The following CDH20 variants were observed in gnomAD, a reference collection of about 807,000 sequenced individuals.
CDH20 encodes cadherin 20.
CDH20 carries 29 observed loss-of-function variants against 74.2 expected under a neutral mutation model. The observed-to-expected ratio is 0.39, with a 90% CI of 0.29 to 0.53. The LOEUF is 0.53. CDH20 is among the 20% of genes least tolerant of loss of function. The pLI is 0.69. For missense variants in CDH20, 988 were observed against 1,048.3 expected, an observed-to-expected ratio of 0.94 and a Z score of 0.79; for synonymous variants, 469 against 405.4, an observed-to-expected ratio of 1.16 and a Z score of -1.88.
chr18:61,494,865 C>T (rs1911077378), intron 2 of CDH20, among the ~76,000 whole-genome samples: 1 of 152,188 alleles, frequency 6.6e-6, no homozygotes, highest in Admixed American at 6.5e-5. Flanking sequence ...TAACCACAAA[C>T]TGTAAGCACT....
At chr18:61,380,690 T>A (rs979014078) in intron 1 of CDH20, among the ~76,000 whole-genome samples, 1 of 152,242 alleles carries the variant, frequency 6.6e-6, no homozygotes, top group Non-Finnish European at 1.5e-5. Context: ...ATGCCTGTAA[T>A]CCCAGCTACT....
At chr18:61,460,264 C>T (rs1909722409) in intron 1 of CDH20, among the ~76,000 whole-genome samples, 1 of 152,240 alleles carries the variant, frequency 6.6e-6, no homozygotes, top group East Asian at 1.9e-4. Flanking sequence ...AAAATAAATA[C>T]AAGTGACCTT....
intron 1 of CDH20, among the ~76,000 whole-genome samples, chr18:61,338,582 A>G (rs775881999): frequency 5.9e-5 from 9 of 152,322 alleles, no homozygotes; most frequent in South Asian, 2.1e-4. Context: ...TATGTCATTG[A>G]ATAACCACTA....
chr18:61,354,145 A>T (rs971631982), intron 1 of CDH20, among the ~76,000 whole-genome samples: 2 of 152,106 alleles, frequency 1.3e-5, no homozygotes, highest in Non-Finnish European at 1.5e-5. Flanking sequence ...AGGGCTGTTA[A>T]CTCCCACACT....
At chr18:61,466,602 T>C (rs750287357) in intron 1 of CDH20, among the ~76,000 whole-genome samples, 2 of 152,138 alleles carry the variant, frequency 1.3e-5, no homozygotes, top group African/African-American at 2.4e-5. Context: ...AATCTCTCAA[T>C]GGTTTTTCCT....
intron 1 of CDH20, among the ~76,000 whole-genome samples, chr18:61,473,807 G>C (rs9959118): frequency 0.16 from 23,642 of 152,050 alleles, 1,897 homozygotes; most frequent in East Asian, 0.28. Context: ...AGTGCTACCT[G>C]GGATCAATCA....
Position 61,550,070 on chromosome 18 carries a change from C to T in CDH20, c.1741C>T (p.Gln581Ter). 1 of 1,614,252 alleles carries T rather than the reference C, an allele frequency of 6.2e-7. No homozygotes were observed. Among genetic ancestry groups the T allele is most frequent in the Non-Finnish European group, 8.5e-7 (1 of 1,180,042 alleles). The change falls in exon 11 of 12, where the codon CAG becomes TAG. Residue 581 changes from glutamine (Q) to a stop codon, truncating the protein, a stop_gained. Coordinates refer to ENST00000262717, the MANE Select transcript of CDH20 (RefSeq NM_031891.4). LOFTEE classifies it high-confidence loss of function. The part of the protein sequence containing the change: ...HLPILIADSG[Q>*]PVLSSTGTLT... ...GCCTATCCTGATAGCAGATAGCGGG[C>T]AGCCCGTGCTGAGCAGCACAGGCAC...
chr18:61,367,923 T>C (rs145445148), intron 1 of CDH20, among the ~76,000 whole-genome samples: 1,555 of 152,202 alleles, frequency 0.01, 22 homozygotes, highest in South Asian at 0.02. Flanking sequence ...TCTTGTCTTG[T>C]ACTTGTCTGT....
At chr18:61,506,378 C>T (rs567664121) in intron 5 of CDH20, among the ~76,000 whole-genome samples, 17 of 152,310 alleles carry the variant, frequency 1.1e-4, no homozygotes, top group African/African-American at 2.9e-4. Context: ...TCTTCTCCTG[C>T]GCAAGGCAGG....
At chr18:61,479,853 G>A (rs1190056440) in intron 1 of CDH20, among the ~76,000 whole-genome samples, 1 of 152,018 alleles carries the variant, frequency 6.6e-6, no homozygotes, top group African/African-American at 2.4e-5. Flanking sequence ...CTCCTTTGTT[G>A]GATCCCCTTT....
At chr18:61,447,319 A>G (rs1376930085) in intron 1 of CDH20, among the ~76,000 whole-genome samples, 8 of 152,224 alleles carry the variant, frequency 5.3e-5, no homozygotes, top group Non-Finnish European at 2.9e-5. Context: ...TGAATTCACA[A>G]TACTGGAGGC....
At chr18:61,490,985 T>C (rs1390555172) in intron 2 of CDH20, among the ~76,000 whole-genome samples, 186 bp downstream of exon 2, 1 of 152,212 alleles carries the variant, frequency 6.6e-6, no homozygotes, top group Non-Finnish European at 1.5e-5. Context: ...GAAAGATTTA[T>C]TTCCTTGTCC....
intron 1 of CDH20, among the ~76,000 whole-genome samples, chr18:61,489,751 A>T (rs1275793411): frequency 1.3e-5 from 2 of 152,150 alleles, no homozygotes; most frequent in Non-Finnish European, 2.9e-5. Context: ...AATCCTGGAA[A>T]GGTCACATTA....
intron 1 of CDH20, among the ~76,000 whole-genome samples, chr18:61,469,477 CA>C (rs1336348016): frequency 6.6e-6 from 1 of 152,128 alleles, no homozygotes; most frequent in Non-Finnish European, 1.5e-5. Context: ...GCTGCTTCAG[CA>C]GTTTCGAAAC....
chr18:61,510,475 A>G (rs1015816815), intron 6 of CDH20, among the ~76,000 whole-genome samples: 1 of 152,224 alleles, frequency 6.6e-6, no homozygotes, highest in Non-Finnish European at 1.5e-5. Flanking sequence ...CAGTTATAAC[A>G]TTAAAATGTA....
intron 6 of CDH20, among the ~76,000 whole-genome samples, chr18:61,514,246 C>T (rs1911897359): frequency 6.6e-6 from 1 of 151,768 alleles, no homozygotes; most frequent in Non-Finnish European, 1.5e-5. Flanking sequence ...TCATTTCATT[C>T]ATTTCATCTT....
rs200072367 is a variant in CDH20 at position 61,408,916 on chromosome 18, C to CA, written c.-153+75098dup. ...GTATGGATAAAAGATAATACTAATA[C>CA]AAAAAAAAATGACAGACCAGACCTT... is the stretch of plus-strand genomic sequence containing the variant. On this transcript the variant is annotated intron_variant, in intron 1 of 11. Transcript: ENST00000262717. Among the ~76,000 whole-genome samples the CA allele has an allele frequency of 1.1e-3, 166 of 151,152 alleles. 1 individual carries two copies. The highest frequency in any genetic ancestry group is 2.1e-3 in the Non-Finnish European group (142 of 67,652).
At chr18:61,511,166 T>C (rs932112533) in intron 6 of CDH20, among the ~76,000 whole-genome samples, 3 of 151,328 alleles carry the variant, frequency 2.0e-5, no homozygotes, top group African/African-American at 7.3e-5. Flanking sequence ...TTTGTGTTGT[T>C]GTTTGTTTGA....
chr18:61,485,076 G>A (rs1910711569), intron 1 of CDH20, among the ~76,000 whole-genome samples: 1 of 151,946 alleles, frequency 6.6e-6, no homozygotes, highest in South Asian at 2.1e-4. Flanking sequence ...TGATGGAGAA[G>A]GAATTCATAG....
Sources: gnomAD v4.1 joint callset for allele counts (sites outside exome capture counted in the v4.1 genomes callset) on GRCh38, gnomAD v4.1.1 for gene constraint, MANE v1.5 for transcripts, NCBI Gene and HGNC (gene_info 2026-07-23, HGNC 2026-07-21) for gene names.